Variants in GRM7 observed in about 807,000 individuals in gnomAD.
The protein encoded by GRM7 is glutamate metabotropic receptor 7.
A neutral mutation model predicts 84.5 loss-of-function variants in GRM7; 35 were observed. The ratio of observed to expected loss-of-function variants is 0.41; its 90% CI spans 0.32 to 0.55. GRM7 has a LOEUF of 0.55. GRM7 is among the 20% of genes least tolerant of loss of function. The pLI is 0.19. For synonymous variants in GRM7, 487 were observed against 455.1 expected, an observed-to-expected ratio of 1.07 and a Z score of -0.89; for missense variants, 1,003 against 1,194.6, an observed-to-expected ratio of 0.84 and a Z score of 2.36.
chr3:7,341,316 G>A (rs1291453150), intron 4 of GRM7, among the ~76,000 whole-genome samples: 1 of 152,038 alleles, frequency 6.6e-6, no homozygotes, highest in Non-Finnish European at 1.5e-5. Context: ...AGGAGATTGT[G>A]TGTGTGTGCA....
intron 2 of GRM7, among the ~76,000 whole-genome samples, chr3:7,284,621 T>G (rs2125001176): frequency 6.6e-6 from 1 of 152,296 alleles, no homozygotes; most frequent in South Asian, 2.1e-4. Context: ...TATTGTTATA[T>G]TTTGTTTATC....
intron 1 of GRM7, among the ~76,000 whole-genome samples, chr3:7,061,571 C>A (rs765778113): frequency 2.6e-5 from 4 of 151,632 alleles, no homozygotes; most frequent in Non-Finnish European, 4.4e-5. Flanking sequence ...TATATATTAC[C>A]CTTTCTTTTT....
At chr3:7,667,908 T>C (rs1424295879) in intron 8 of GRM7, among the ~76,000 whole-genome samples, 2 of 151,188 alleles carry the variant, frequency 1.3e-5, no homozygotes, top group Admixed American at 6.6e-5. Context: ...CACTGAGTTG[T>C]CATGGCAACC....
At chr3:6,992,166 T>C (rs1694658746) in intron 1 of GRM7, among the ~76,000 whole-genome samples, 1 of 152,184 alleles carries the variant, frequency 6.6e-6, no homozygotes, top group African/African-American at 2.4e-5. Flanking sequence ...GGAAAATGAC[T>C]CTTAGTATTC....
rs372075812 is a variant in GRM7 at position 7,359,333 on chromosome 3, CTTT to C, written c.1033+52699_1033+52701del. 2.5e-3 allele frequency among the ~76,000 whole-genome samples: 251 copies of C among 98,508 alleles called. 11 individuals carry two copies. Among genetic ancestry groups the C allele is most frequent in the African/African-American group, 0.01 (230 of 22,380 alleles). The allele number at this position is 98,508 out of a possible 152,430, so 64.6% of individuals were successfully genotyped here. On this transcript the variant is annotated intron_variant, in intron 4 of 9. Transcript: ENST00000357716. The stretch of plus-strand genomic sequence containing the variant: ...CTGAATCCTATTCACCCCTCCTCCT[CTTT>C]TTTTTTTTTTTTTTTTTGAGACAGT...
At position 7,420,052 on chromosome 3, in the gene GRM7, T is replaced by A. The variant is rs1464875600; in HGVS notation, c.1174+4889T>A. ...TGTGTTTTTCTTTACACCTCACTTC[T>A]CAGAGCTAATAGTTTAAGTCCTCTT... On this transcript the variant is annotated intron_variant, in intron 5 of 9. Coordinates refer to ENST00000357716, the MANE Select transcript of GRM7 (RefSeq NM_000844.4). Among the ~76,000 whole-genome samples, 3 of 152,168 alleles carry A rather than the reference T, an allele frequency of 2.0e-5. No individual in the cohort carries two copies. The East Asian group carries it at 5.8e-4, about 29-fold the overall frequency.
chr3:7,316,458 T>A (rs991937345), intron 4 of GRM7, among the ~76,000 whole-genome samples: 1 of 151,748 alleles, frequency 6.6e-6, no homozygotes, highest in African/African-American at 2.4e-5. Flanking sequence ...AAAAAACAAA[T>A]GAGAGATGAC....
In GRM7 at chr3:6,887,539, G is replaced by C. The variant is rs373746717; in HGVS notation, c.519+25632G>C. The stretch of plus-strand genomic sequence containing the variant: ...AATGATGATTTCCAATTTCATCCAT[G>C]TCCCTACAAAGGACATGAACTCATC... On this transcript the variant is annotated intron_variant, in intron 1 of 9. Coordinates refer to ENST00000357716, the MANE Select transcript of GRM7 (RefSeq NM_000844.4). Among the ~76,000 whole-genome samples, 8 of 152,222 alleles carry C rather than the reference G, an allele frequency of 5.3e-5. No individual in the cohort carries two copies. In the East Asian group the frequency reaches 1.5e-3, roughly 29 times the overall value.
At chr3:7,393,575 T>C (rs1695089598) in intron 4 of GRM7, among the ~76,000 whole-genome samples, 1 of 152,236 alleles carries the variant, frequency 6.6e-6, no homozygotes, top group Admixed American at 6.5e-5. Flanking sequence ...GATTCTCTCC[T>C]ATACAATGTG....
intron 1 of GRM7, among the ~76,000 whole-genome samples, chr3:7,035,398 C>T (rs1249494627): frequency 6.6e-6 from 1 of 151,130 alleles, no homozygotes; most frequent in African/African-American, 2.4e-5. Context: ...TATAAAAGGC[C>T]CAGGGGAAAA....
chr3:7,356,920 T>TCACACACACA (rs34481316), intron 4 of GRM7, among the ~76,000 whole-genome samples: 12,727 of 131,070 alleles, frequency 0.097, 685 homozygotes, highest in East Asian at 0.15. Flanking sequence ...GCCTTTTTGA[T>TCACACACACA]CACACACACA....
chr3:7,093,715 G>GAAAA (rs1559434884), intron 1 of GRM7, among the ~76,000 whole-genome samples: 1 of 55,146 alleles, frequency 1.8e-5, no homozygotes, highest in Non-Finnish European at 3.6e-5. Flanking sequence ...AAAAAAAAAA[G>GAAAA]GTAGTTAGTG....
At chr3:7,543,152 T>TG (rs1022039462) in intron 7 of GRM7, among the ~76,000 whole-genome samples, 1 of 152,164 alleles carries the variant, frequency 6.6e-6, no homozygotes, top group African/African-American at 2.4e-5. Context: ...GGGAGTCAGT[T>TG]TTACAATAAC....
intron 4 of GRM7, among the ~76,000 whole-genome samples, chr3:7,413,463 G>C (rs1696029099): frequency 6.6e-6 from 1 of 152,204 alleles, no homozygotes; most frequent in African/African-American, 2.4e-5. Context: ...ATCTGACTCA[G>C]CTAAGAGGAG....
At chr3:7,599,753 A>T (rs747727656) in intron 8 of GRM7, among the ~76,000 whole-genome samples, 3 of 152,184 alleles carry the variant, frequency 2.0e-5, no homozygotes, top group African/African-American at 4.8e-5. Context: ...AGGTGGCTTA[A>T]TGACAACCTG....
At chr3:6,974,945 A>G (rs994542627) in intron 1 of GRM7, among the ~76,000 whole-genome samples, 1 of 152,174 alleles carries the variant, frequency 6.6e-6, no homozygotes, top group African/African-American at 2.4e-5. Flanking sequence ...ATATGAGAGT[A>G]TTCTTAGGTA....
rs906383213 is a variant in GRM7, at chr3:7,151,615, A to G, written c.736+4947A>G. Among the ~76,000 whole-genome samples, 1 of 152,138 alleles carries G rather than the reference A, an allele frequency of 6.6e-6. No individual in the cohort carries two copies. Among genetic ancestry groups the G allele is most frequent in the Non-Finnish European group, 1.5e-5 (1 of 68,028 alleles). On this transcript the variant is annotated intron_variant, in intron 2 of 9. Coordinates refer to ENST00000357716, the MANE Select transcript of GRM7 (RefSeq NM_000844.4). The surrounding 1 kb of genome is among the most constrained non-coding windows in gnomAD (Gnocchi z 4.5). ...ACATTTTCCTGTGTTTCTATTATCTAAGATAATTCCTAGTACATAGAAAGC... is the reference window on the plus strand; with the variant it reads ...ACATTTTCCTGTGTTTCTATTATCTGAGATAATTCCTAGTACATAGAAAGC...
chr3:7,558,597 T>C (rs1359439483), intron 7 of GRM7, among the ~76,000 whole-genome samples: 1 of 152,166 alleles, frequency 6.6e-6, no homozygotes, highest in Non-Finnish European at 1.5e-5. Context: ...CATGCCAATT[T>C]CATTTTTATC....
At chr3:7,645,661 A>G (rs1698602048) in intron 8 of GRM7, among the ~76,000 whole-genome samples, 1 of 152,138 alleles carries the variant, frequency 6.6e-6, no homozygotes, top group Non-Finnish European at 1.5e-5. Context: ...GTCATAAGAC[A>G]GAAAATCTTA....
Sources: allele counts gnomAD v4.1 joint callset (sites outside exome capture counted in the v4.1 genomes callset), GRCh38; gene constraint gnomAD v4.1.1; non-coding constraint Gnocchi (gnomAD v3.1); transcripts MANE v1.5; gene names NCBI Gene and HGNC (gene_info 2026-07-23, HGNC 2026-07-21).